PASK: variants seen among roughly 807,000 people sequenced by gnomAD.
PASK encodes the protein PAS domain-containing serine/threonine-protein kinase.
PASK carries 110 observed loss-of-function variants against 121.0 expected under a neutral mutation model. The observed-to-expected ratio is 0.91, with a 90% CI of 0.78 to 1.06. The LOEUF is 1.06. PASK is among the 50% of genes least tolerant of loss of function. PASK has a pLI of 0.00. For missense variants in PASK, 1,643 were observed against 1,702.3 expected (o/e 0.97, Z 0.61); for synonymous variants, 686 against 717.8 (o/e 0.96, Z 0.71).
chr2:241,115,932 TCAG>T (rs2065333672), intron 12 of PASK, among the ~76,000 whole-genome samples: 1 of 61,560 alleles, frequency 1.6e-5, no homozygotes, highest in Non-Finnish European at 2.6e-5. Flanking sequence ...GGGGCCACCA[TCAG>T]TCCTCAAGCA....
intron 9 of PASK, among the ~76,000 whole-genome samples, chr2:241,132,302 A>G (rs1367432767): frequency 6.6e-6 from 1 of 151,940 alleles, no homozygotes; most frequent in African/African-American, 2.4e-5. Context: ...AGGCGGGTGG[A>G]TAACAAAGTC....
At position 241,115,110 on chromosome 2, in the gene PASK, T is replaced by C; in HGVS notation, c.3266A>G (p.Asp1089Gly). ...GTGGCGGTCGATGAAAGCGAAGAGG[T>C]CTAGGCCGGAGCCGTGCTTCTCCAT... ...LVMEKHGSGL[D>G]LFAFIDRHPR... Residue 1089 changes from aspartate to glycine, a missense_variant, in exon 14 of 18, where the codon GAC becomes GGC. By Grantham distance (94) the Asp-to-Gly change is moderately conservative. Transcript: ENST00000234040. The C allele has an allele frequency of 6.2e-7, 1 of 1,613,990 alleles. No homozygotes were observed. The highest frequency in any genetic ancestry group is 1.7e-4 in the Middle Eastern group (1 of 6,060).
intron 9 of PASK, among the ~76,000 whole-genome samples, chr2:241,131,626 T>C (rs905704425): frequency 7.9e-5 from 12 of 152,046 alleles, no homozygotes; most frequent in African/African-American, 2.9e-4. Context: ...CAGTCTAACC[T>C]CTGCCCTGAC....
chr2:241,128,117 C>A (rs2125431426), intron 9 of PASK, among the ~76,000 whole-genome samples: 1 of 152,326 alleles, frequency 6.6e-6, no homozygotes, highest in African/African-American at 2.4e-5. Flanking sequence ...CCTGTCTCTA[C>A]TAAAAATACA....
intron 8 of PASK, chr2:241,133,571 C>A: frequency 4.9e-6 from 1 of 204,110 alleles, no homozygotes; most frequent in South Asian, 9.0e-5. Flanking sequence ...CTCCATGTCA[C>A]CTGGCTCCCT....
At chr2:241,131,070 G>A (rs1451999221) in intron 9 of PASK, among the ~76,000 whole-genome samples, 1 of 152,160 alleles carries the variant, frequency 6.6e-6, no homozygotes, top group African/African-American at 2.4e-5. Flanking sequence ...TTGGAGGAGG[G>A]GGATTGGAAG....
rs74000397 is a variant in PASK at position 241,146,261 on chromosome 2, G to A, written c.-43+3153C>T. ...ATGTCAAAAAGGATTTGGATCAACA[G>A]GAACTCTTAATACATTAATATAATC... On this transcript the variant is annotated intron_variant, in intron 1 of 17. Coordinates refer to ENST00000234040, the MANE Select transcript of PASK (RefSeq NM_015148.4). Among the ~76,000 whole-genome samples, 875 of 152,274 alleles carry A rather than the reference G, an allele frequency of 5.7e-3. 9 individuals carry two copies. Among genetic ancestry groups the A allele is most frequent in the African/African-American group, 0.02 (826 of 41,548 alleles).
Position 241,108,571 on chromosome 2 carries a change from T to A in PASK, c.3534-271A>T. 1 of 513,036 alleles carries A rather than the reference T, an allele frequency of 1.9e-6. No homozygotes were observed. The highest frequency in any genetic ancestry group is 3.7e-5 in the East Asian group (1 of 27,308). 31.8% of individuals were successfully genotyped at this position (513,036 alleles called of 1,614,324 possible). A position where few individuals can be genotyped will look rare whatever the true frequency, so the allele number is the denominator to read the frequency against. Reference sequence around the variant, plus strand: ...CCTTGTGGACACCAACCACAAGACGTGTCTACCAGAGGGGGGAGCGGGGGG... The same window carrying A: ...CCTTGTGGACACCAACCACAAGACGAGTCTACCAGAGGGGGGAGCGGGGGG... On this transcript the variant is annotated intron_variant, in intron 15 of 17. Coordinates refer to ENST00000234040, the MANE Select transcript of PASK (RefSeq NM_015148.4). The surrounding 1 kb of genome is among the most constrained non-coding windows in gnomAD (Gnocchi z 5.2).
At chr2:241,143,201 G>A in intron 1 of PASK, 127 bp from the exon 2 acceptor site, 6 of 670,740 alleles carry the variant, frequency 8.9e-6, no homozygotes, top group South Asian at 1.7e-5. Context: ...GCCATCCTGG[G>A]TCAGAACCCG....
chr2:241,125,218 T>C (rs4675995), intron 10 of PASK, among the ~76,000 whole-genome samples: 2,239 of 149,928 alleles, frequency 0.015, 99 homozygotes, highest in Admixed American at 0.093. Flanking sequence ...GGAGAATCAT[T>C]TGAACCCAGG....
At position 241,140,538 on chromosome 2, in the gene PASK, C is replaced by T. The variant is rs752947531; in HGVS notation, c.412G>A (p.Asp138Asn). 6.2e-7 allele frequency: 1 copy of T among 1,611,982 alleles called. No individual in the cohort carries two copies. Among genetic ancestry groups the T allele is most frequent in the Non-Finnish European group, 8.5e-7 (1 of 1,178,344 alleles). ...CNPNKAIFTV[D>N]AKTTEILVAN... The stretch of plus-strand genomic sequence containing the variant: ...GCAAATACCTCTGTGGTCTTGGCAT[C>T]CACCGTGAAGATGGCCTTGTTAGGG... Residue 138 changes from aspartate to asparagine, a missense_variant, in exon 3 of 18, where the codon GAT becomes AAT. This residue lies in a region of PASK where 1,176 missense variants were observed against 1,162.2 expected (regional missense o/e 1.01). Transcript: ENST00000234040.
chr2:241,112,699 T>C lies in PASK; in HGVS notation c.3334-260A>G, dbSNP rs1482314261. 1.6e-5 allele frequency: 7 copies of C among 443,112 alleles called. No individual in the cohort carries two copies. The highest frequency in any genetic ancestry group is 1.4e-4 in the East Asian group (3 of 21,050). 27.4% of individuals were successfully genotyped at this position (443,112 alleles called of 1,614,324 possible). On this transcript the variant is annotated intron_variant, in intron 14 of 17. Coordinates refer to ENST00000234040, the MANE Select transcript of PASK (RefSeq NM_015148.4). The surrounding 1 kb of genome is among the most constrained non-coding windows in gnomAD (Gnocchi z 5.2). Reference sequence around the variant, plus strand: ...CATCAATGAGACTCGTGAGTTCTGTTTGCTGCTGAGAAAAGCTTCCCAGCA... The same window carrying C: ...CATCAATGAGACTCGTGAGTTCTGTCTGCTGCTGAGAAAAGCTTCCCAGCA...
At chr2:241,124,487 T>C (rs1389260506) in intron 10 of PASK, among the ~76,000 whole-genome samples, 1 of 152,200 alleles carries the variant, frequency 6.6e-6, no homozygotes, top group African/African-American at 2.4e-5. Flanking sequence ...CGGGAGAACC[T>C]GCACTCAACG....
chr2:241,133,251 A>G, intron 8 of PASK: 1 of 611,700 alleles, frequency 1.6e-6, no homozygotes, highest in South Asian at 1.8e-5. Context: ...CCATGATCCT[A>G]TTAACACCCA....
rs769277970 is a variant in PASK, at chr2:241,142,852, T to G, written c.181A>C (p.Arg61=). ...RNGLSRLCQS[R]TALSEDRWSS... is the part of the protein sequence containing the mutation. ...AGGTCATTACCAGAGAGCGCTGTCCTGCTCTGGCAGAGTCTGGAAAGCCCA... is the reference window on the plus strand; with the variant it reads ...AGGTCATTACCAGAGAGCGCTGTCCGGCTCTGGCAGAGTCTGGAAAGCCCA... Residue 61 remains arginine, a synonymous_variant, in exon 2 of 18, where the codon AGG becomes CGG. Coordinates refer to ENST00000234040, the MANE Select transcript of PASK (RefSeq NM_015148.4). 5.0e-6 allele frequency: 8 copies of G among 1,612,768 alleles called. No individual in the cohort carries two copies. The highest frequency in any genetic ancestry group is 6.8e-6 in the Non-Finnish European group (8 of 1,179,084).
chr2:241,145,250 C>CT (rs1254720416), intron 1 of PASK, among the ~76,000 whole-genome samples: 2 of 151,478 alleles, frequency 1.3e-5, no homozygotes, highest in South Asian at 2.1e-4. Flanking sequence ...ACATGGCCAT[C>CT]TTTTTTTTTA....
intron 9 of PASK, among the ~76,000 whole-genome samples, chr2:241,132,448 C>T (rs1236235201): frequency 7.8e-5 from 10 of 128,194 alleles, no homozygotes; most frequent in Non-Finnish European, 4.8e-5. Flanking sequence ...ACCCGGGAGG[C>T]GGAGCTTGCA....
At chr2:241,121,617 G>A (rs576170585) in intron 12 of PASK, among the ~76,000 whole-genome samples, 2 of 152,276 alleles carry the variant, frequency 1.3e-5, no homozygotes, top group African/African-American at 4.8e-5. Flanking sequence ...AGTGTATGCT[G>A]CCTACAGAAG....
At chr2:241,134,750 C>CAG (rs2066326304) in intron 8 of PASK, 1 of 152,204 alleles carries the variant, frequency 6.6e-6, no homozygotes, top group African/African-American at 2.4e-5. Flanking sequence ...CAGCACTGGC[C>CAG]ACTCTCTCTC....
Sources: allele counts gnomAD v4.1 joint callset (sites outside exome capture counted in the v4.1 genomes callset), GRCh38; gene constraint gnomAD v4.1.1; regional missense constraint gnomAD v4.1.1; non-coding constraint Gnocchi (gnomAD v3.1); transcripts MANE v1.5; gene names NCBI Gene and HGNC (gene_info 2026-07-23, HGNC 2026-07-21).